SHC2: variants seen among roughly 807,000 people sequenced by gnomAD.
The protein encoded by SHC2 is SHC-transforming protein 2.
SHC2 carries 62 observed loss-of-function variants against 60.6 expected under a neutral mutation model. The observed-to-expected ratio is 1.02, with a 90% CI of 0.83 to 1.26. SHC2 has a LOEUF of 1.26. SHC2 is among the 50% of genes most tolerant of loss of function. The probability of loss-of-function intolerance (pLI) is 0.00; values close to 1 mark genes in which losing one functional copy is unlikely to be tolerated. For synonymous variants in SHC2, 375 were observed against 372.4 expected (o/e 1.01, Z -0.08); for missense variants, 873 against 822.2 (o/e 1.06, Z -0.76).
At chr19:428,065 C>T (rs1974467093) in intron 9 of SHC2, among the ~76,000 whole-genome samples, 1 of 152,154 alleles carries the variant, frequency 6.6e-6, no homozygotes, top group Non-Finnish European at 1.5e-5. Context: ...CACCTCCACA[C>T]AATTTAAAAA....
chr19:440,712 C>T lies in SHC2; in HGVS notation c.539+150G>A. On this transcript the variant is annotated intron_variant, in intron 2 of 12. Coordinates refer to ENST00000264554, the MANE Select transcript of SHC2 (RefSeq NM_012435.3). The surrounding 1 kb of genome is among the most constrained non-coding windows in gnomAD (Gnocchi z 7.0). Reference sequence around the variant, plus strand: ...GCGTGGGGACAGGGCGGAGACGTGGCGTGAAGTGGGAGGGAGGTGGGGGGC... The same window carrying T: ...GCGTGGGGACAGGGCGGAGACGTGGTGTGAAGTGGGAGGGAGGTGGGGGGC... The T allele has an allele frequency of 4.4e-6, 3 of 681,784 alleles. No homozygotes were observed. The highest frequency in any genetic ancestry group is 7.9e-6 in the Non-Finnish European group (3 of 380,590). 42.2% of individuals were successfully genotyped at this position (681,784 alleles called of 1,614,324 possible).
At position 447,756 on chromosome 19, in the gene SHC2, T is replaced by C. The variant is rs574769635; in HGVS notation, c.469-6824A>G. 1.6e-4 allele frequency among the ~76,000 whole-genome samples: 25 copies of C among 151,814 alleles called. No individual in the cohort carries two copies. In the East Asian group the frequency reaches 4.1e-3, roughly 25 times the overall value. On this transcript the variant is annotated intron_variant, in intron 1 of 12. Transcript: ENST00000264554. ...TCGCACCACTGCACTCCAGCCTGGGTGACAAGAACAAAACTCCATCTAAAA... is the reference window on the plus strand; with the variant it reads ...TCGCACCACTGCACTCCAGCCTGGGCGACAAGAACAAAACTCCATCTAAAA...
In SHC2 at chr19:421,469, GGAA is replaced by G. The variant is rs1974272359; in HGVS notation, c.1620+674_1620+676del. On this transcript the variant is annotated intron_variant, in intron 11 of 12. Coordinates refer to ENST00000264554, the MANE Select transcript of SHC2 (RefSeq NM_012435.3). The stretch of plus-strand genomic sequence containing the variant: ...AGGAAAGGAGGGAGGGAGAGAGGGA[GGAA>G]GAAGGAATTGAAGCAATTCAGTAAC... Among the ~76,000 whole-genome samples, 3 of 150,712 alleles carry G rather than the reference GGAA, an allele frequency of 2.0e-5. No individual in the cohort carries two copies. The South Asian group carries it at 6.3e-4, about 32-fold the overall frequency.
intron 11 of SHC2, chr19:419,647 G>A (rs1250865878): frequency 6.6e-6 from 1 of 152,272 alleles, no homozygotes; most frequent in Non-Finnish European, 1.5e-5. Flanking sequence ...CTCCAGAGCT[G>A]TGAGAATGAA....
rs371804990 is a variant in SHC2 at position 425,262 on chromosome 19, G to T, written c.1175-31C>A. On this transcript the variant is annotated intron_variant, in intron 9 of 12. Coordinates refer to ENST00000264554, the MANE Select transcript of SHC2 (RefSeq NM_012435.3). The surrounding 1 kb of genome is among the most constrained non-coding windows in gnomAD (Gnocchi z 4.1). ...GAGTGTAAAGAGGGGCAGGGGGTCA[G>T]CTGGGAGCCAGGCGAGGGGCTCGCA... 207 of 1,312,464 alleles carry T rather than the reference G, an allele frequency of 1.6e-4. No individual in the cohort carries two copies. The highest frequency in any genetic ancestry group is 1.9e-4 in the Non-Finnish European group (191 of 1,023,020). The allele number at this position is 1,312,464 out of a possible 1,614,324, so 81.3% of individuals were successfully genotyped here.
chr19:435,858 T>A (rs1974702251), intron 7 of SHC2: 2 of 336,920 alleles, frequency 5.9e-6, no homozygotes, highest in Non-Finnish European at 1.1e-5. Context: ...TTTCTGCCCA[T>A]TGCGGGAGCC....
At position 455,464 on chromosome 19, in the gene SHC2, C is replaced by T. The variant is rs527865290; in HGVS notation, c.468+5065G>A. ...GGCGTGAGCCTCGGCGCCGGAGGTA[C>T]TGCATTTGCACCGATGCTGCCCACG... On this transcript the variant is annotated intron_variant, in intron 1 of 12. Coordinates refer to ENST00000264554, the MANE Select transcript of SHC2 (RefSeq NM_012435.3). 1.5e-4 allele frequency among the ~76,000 whole-genome samples: 23 copies of T among 152,368 alleles called. No individual in the cohort carries two copies. The South Asian group carries it at 3.3e-3, about 22-fold the overall frequency.
At chr19:458,769 GGCGGGTTCCGGGGAGGCGGAA>G (rs1568301130) in intron 1 of SHC2, among the ~76,000 whole-genome samples, 21 of 76,446 alleles carry the variant, frequency 2.7e-4, no homozygotes, top group African/African-American at 9.5e-4. Context: ...GGGAGGCGGA[GGCGGGTTCCGGGGAGGCGGAA>G]GCGGGTCCTG....
Position 425,766 on chromosome 19 carries a change from C to T in SHC2, c.1175-535G>A, listed in dbSNP as rs892060371. Among the ~76,000 whole-genome samples, 2 of 152,092 alleles carry T rather than the reference C, an allele frequency of 1.3e-5. No homozygotes were observed. The highest frequency in any genetic ancestry group is 2.9e-5 in the Non-Finnish European group (2 of 68,020). On this transcript the variant is annotated intron_variant, in intron 9 of 12. Coordinates refer to ENST00000264554, the MANE Select transcript of SHC2 (RefSeq NM_012435.3). The surrounding 1 kb of genome is among the most constrained non-coding windows in gnomAD (Gnocchi z 4.1). ...ACATGGGGCCGGGCGTGGTGGCTCA[C>T]GCCTGTAATCCCAGCACTTTGGGAG...
chr19:426,205 C>T (rs1033410757), intron 9 of SHC2, among the ~76,000 whole-genome samples: 5 of 152,210 alleles, frequency 3.3e-5, no homozygotes, highest in African/African-American at 1.2e-4. Flanking sequence ...CGTGAGGCTG[C>T]ACTAGCCCTT....
At position 438,625 on chromosome 19, in the gene SHC2, C is replaced by T. The variant is rs1395535210; in HGVS notation, c.720+93G>A. On this transcript the variant is annotated intron_variant, in intron 4 of 12. Coordinates refer to ENST00000264554, the MANE Select transcript of SHC2 (RefSeq NM_012435.3). The surrounding 1 kb of genome is among the most constrained non-coding windows in gnomAD (Gnocchi z 5.0). The stretch of plus-strand genomic sequence containing the variant: ...CGTCTTTCTGGATAAACGCCACCTG[C>T]TGCCCGCCCCCAGCACCCCACCTGG... The T allele has an allele frequency of 5.7e-6, 8 of 1,406,440 alleles. No homozygotes were observed. Among genetic ancestry groups the T allele is most frequent in the Non-Finnish European group, 6.7e-6 (7 of 1,045,872 alleles). The allele number at this position is 1,406,440 out of a possible 1,614,324, so 87.1% of individuals were successfully genotyped here.
At chr19:418,020 C>A (rs1052334452) in intron 12 of SHC2, among the ~76,000 whole-genome samples, 1 of 152,140 alleles carries the variant, frequency 6.6e-6, no homozygotes, top group Admixed American at 6.5e-5. Context: ...CCCTCCAGCC[C>A]CACAGCTGCA....
chr19:419,836 G>A (rs1174635058), intron 11 of SHC2: 1 of 152,244 alleles, frequency 6.6e-6, no homozygotes, highest in Non-Finnish European at 1.5e-5. Flanking sequence ...GCAAAACCAA[G>A]AGACCCTGTG....
chr19:456,961 T>C (rs991220960), intron 1 of SHC2, among the ~76,000 whole-genome samples: 1 of 144,556 alleles, frequency 6.9e-6, no homozygotes, highest in African/African-American at 2.7e-5. Flanking sequence ...GAACTCTGTC[T>C]GTAAACTCCA....
At chr19:429,094 G>A (rs1974496319) in intron 9 of SHC2, among the ~76,000 whole-genome samples, 1 of 147,204 alleles carries the variant, frequency 6.8e-6, no homozygotes, top group African/African-American at 2.5e-5. Flanking sequence ...GGATGATGCG[G>A]TACCTATACC....
chr19:429,636 C>T (rs12977976), intron 9 of SHC2, among the ~76,000 whole-genome samples: 12 of 114,978 alleles, frequency 1.0e-4, no homozygotes, highest in African/African-American at 3.4e-4. Context: ...TGACACAGTA[C>T]CTATACCCAA....
At chr19:430,859 G>A (rs1187095385) in intron 8 of SHC2, 112 bp from the exon 9 acceptor site, 2 of 962,528 alleles carry the variant, frequency 2.1e-6, no homozygotes, top group Non-Finnish European at 3.2e-6. Flanking sequence ...TTAGGGGTGG[G>A]GAGCACAGCC....
Position 419,258 on chromosome 19 carries a change from C to T in SHC2, c.1621-202G>A, listed in dbSNP as rs966751354. 1.0e-5 allele frequency: 6 copies of T among 588,760 alleles called. No individual in the cohort carries two copies. In the African/African-American group the frequency reaches 1.1e-4, roughly 11 times the overall value. 36.5% of individuals were successfully genotyped at this position (588,760 alleles called of 1,614,324 possible). On this transcript the variant is annotated intron_variant, in intron 11 of 12. Transcript: ENST00000264554. ...CCATGGGCACGGGCTCTGAAACCCC[C>T]AGGGTTCTGGGGCCACGCTTCCTGT...
chr19:430,601 G>C, intron 9 of SHC2, 83 bp downstream of exon 9: 1 of 1,068,162 alleles, frequency 9.4e-7, no homozygotes, highest in South Asian at 1.4e-5. Flanking sequence ...AGAGGAGAAA[G>C]ACTGAGGGGG....
Sources: gnomAD v4.1 joint callset for allele counts (sites outside exome capture counted in the v4.1 genomes callset) on GRCh38, gnomAD v4.1.1 for gene constraint, Gnocchi (gnomAD v3.1) non-coding constraint, MANE v1.5 for transcripts, NCBI Gene and HGNC (gene_info 2026-07-23, HGNC 2026-07-21) for gene names.